The following LNX1 variants were observed in gnomAD, a reference collection of about 807,000 sequenced individuals.
LNX1 encodes the protein E3 ubiquitin-protein ligase LNX.
Under a neutral mutation model 68.4 loss-of-function variants are expected in LNX1, and 54 were observed. That is an observed-to-expected ratio of 0.79 (90% confidence interval 0.63 to 0.99). LNX1 has a LOEUF of 0.99. LNX1 is among the 50% of genes least tolerant of loss of function. The pLI, the probability that LNX1 is intolerant of heterozygous loss-of-function variation, is 0.00. For missense variants in LNX1, 906 were observed against 926.4 expected, an observed-to-expected ratio of 0.98 and a Z score of 0.29; for synonymous variants, 336 against 350.0, an observed-to-expected ratio of 0.96 and a Z score of 0.45.
At chr4:53,570,682 A>ATAAAT (rs1731090895) in intron 2 of LNX1, among the ~76,000 whole-genome samples, 1 of 150,326 alleles carries the variant, frequency 6.7e-6, no homozygotes, top group South Asian at 2.1e-4. Flanking sequence ...AAATAAATAA[A>ATAAAT]TAAATAAATA....
chr4:53,571,723 C>G (rs80087458), intron 2 of LNX1, among the ~76,000 whole-genome samples: 174 of 152,170 alleles, frequency 1.1e-3, no homozygotes, highest in African/African-American at 4.1e-3. Context: ...AGTGCAGTAG[C>G]GCATCACAGC....
At chr4:53,482,067 C>T (rs1723953924) in intron 6 of LNX1, among the ~76,000 whole-genome samples, 1 of 152,200 alleles carries the variant, frequency 6.6e-6, no homozygotes, top group Admixed American at 6.5e-5. Context: ...GTAAATGTTG[C>T]TCCAAGGGAA....
chr4:53,507,843 G>A (rs1432455639), intron 3 of LNX1, 143 bp downstream of exon 3: 79 of 1,084,832 alleles, frequency 7.3e-5, no homozygotes, highest in Admixed American at 2.0e-4. Flanking sequence ...TCACTTTGGC[G>A]AATTGGACAT....
chr4:53,575,630 G>A, intron 1 of LNX1: 1 of 1,323,308 alleles, frequency 7.6e-7, no homozygotes, highest in Non-Finnish European at 9.6e-7. Context: ...GCTTTTGGCT[G>A]CATTGGCTGG....
intron 1 of LNX1, among the ~76,000 whole-genome samples, chr4:53,640,976 G>A (rs1365393526): frequency 2.6e-5 from 4 of 152,228 alleles, no homozygotes; most frequent in South Asian, 2.1e-4. Context: ...AGGCCTGGCC[G>A]TTGTTTGGGA....
Position 53,614,969 on chromosome 4 carries a change from G to A in LNX1, c.-215+1548C>T, listed in dbSNP as rs895213804. ...CCAAGTTGACTTTTGGAGCTATTCC[G>A]AAATTTGTTCATCTTTGAACACCGA... is the stretch of plus-strand genomic sequence containing the variant. On this transcript the variant is annotated intron_variant, in intron 2 of 3. Transcript: ENST00000504299. Among the ~76,000 whole-genome samples, 105 of 72,714 alleles carry A rather than the reference G, an allele frequency of 1.4e-3. 1 individual carries two copies. Among genetic ancestry groups the A allele is most frequent in the East Asian group, 8.8e-4 (1 of 1,140 alleles). 47.7% of individuals were successfully genotyped at this position (72,714 alleles called of 152,430 possible).
At chr4:53,615,721 C>T (rs1402688489) in intron 2 of LNX1, among the ~76,000 whole-genome samples, 1 of 151,924 alleles carries the variant, frequency 6.6e-6, no homozygotes, top group Non-Finnish European at 1.5e-5. Context: ...TTTTTTTTTA[C>T]TACCTTAACA....
chr4:53,549,820 A>C (rs1729379626), intron 2 of LNX1, among the ~76,000 whole-genome samples: 1 of 152,214 alleles, frequency 6.6e-6, no homozygotes, highest in South Asian at 2.1e-4. Flanking sequence ...AATGAAGAAA[A>C]TAAGTCAACC....
At chr4:53,557,802 G>A (rs1273199923) in intron 2 of LNX1, 1 of 1,571,154 alleles carries the variant, frequency 6.4e-7, no homozygotes, top group Non-Finnish European at 8.7e-7. Context: ...ATCAGCTAGG[G>A]AATGGACTCG....
intron 9 of LNX1, among the ~76,000 whole-genome samples, chr4:53,467,685 G>C (rs947649830): frequency 6.6e-6 from 1 of 152,212 alleles, no homozygotes; most frequent in Non-Finnish European, 1.5e-5. Context: ...CGAGAACTAT[G>C]TGACGAATGC....
At chr4:53,644,238 T>C (rs1203664303) in intron 1 of LNX1, among the ~76,000 whole-genome samples, 2 of 152,118 alleles carry the variant, frequency 1.3e-5, no homozygotes, top group Admixed American at 6.5e-5. Context: ...CTGTCTCTAC[T>C]AAAAATACAA....
intron 2 of LNX1, among the ~76,000 whole-genome samples, chr4:53,530,918 C>A (rs1468653771): frequency 6.6e-6 from 1 of 152,132 alleles, no homozygotes; most frequent in Non-Finnish European, 1.5e-5. Context: ...AATCCCAGCA[C>A]CCTGGGAGGC....
chr4:53,520,544 G>A (rs1420221306), intron 2 of LNX1, among the ~76,000 whole-genome samples: 3 of 152,290 alleles, frequency 2.0e-5, no homozygotes, highest in Admixed American at 1.3e-4. Flanking sequence ...ATTTCCATGC[G>A]ACAGATGATT....
At chr4:53,513,185 G>A (rs899106543) in intron 2 of LNX1, among the ~76,000 whole-genome samples, 6 of 151,988 alleles carry the variant, frequency 3.9e-5, no homozygotes, top group African/African-American at 9.7e-5. Context: ...TATCGATCAC[G>A]GTCTCTTGCC....
At chr4:53,542,775 TTTGCAA>T (rs1301678478) in intron 2 of LNX1, among the ~76,000 whole-genome samples, 1 of 152,196 alleles carries the variant, frequency 6.6e-6, no homozygotes, top group Non-Finnish European at 1.5e-5. Context: ...GCCATTGGCA[TTTGCAA>T]TTGCATTTAA....
At chr4:53,521,110 T>C (rs1727184381) in intron 2 of LNX1, among the ~76,000 whole-genome samples, 1 of 152,186 alleles carries the variant, frequency 6.6e-6, no homozygotes, top group East Asian at 1.9e-4. Context: ...TTAGAATAAC[T>C]GGAAAGGGTG....
At position 53,511,768 on chromosome 4, in the gene LNX1, G is replaced by A. The variant is rs548850050; in HGVS notation, c.381-3541C>T. Among the ~76,000 whole-genome samples, 8 of 152,204 alleles carry A rather than the reference G, an allele frequency of 5.3e-5. 1 individual carries two copies. Among genetic ancestry groups the A allele is most frequent in the African/African-American group, 1.9e-4 (8 of 41,526 alleles). On this transcript the variant is annotated intron_variant, in intron 2 of 10. Coordinates refer to ENST00000263925, the MANE Select transcript of LNX1 (RefSeq NM_001126328.3). ...GAGAGTTGGAGACGAGACACAGGAGGGAACTCAGATGTGATTCACAGACGT... is the reference window on the plus strand; with the variant it reads ...GAGAGTTGGAGACGAGACACAGGAGAGAACTCAGATGTGATTCACAGACGT...
intron 2 of LNX1, among the ~76,000 whole-genome samples, chr4:53,553,830 A>G (rs1167969516): frequency 2.0e-5 from 3 of 152,216 alleles, no homozygotes; most frequent in Non-Finnish European, 4.4e-5. Flanking sequence ...AGGTCAAGGC[A>G]TCAGGTGACA....
intron 2 of LNX1, among the ~76,000 whole-genome samples, chr4:53,607,876 C>T (rs1485180382): frequency 6.6e-6 from 1 of 152,152 alleles, no homozygotes; most frequent in African/African-American, 2.4e-5. Flanking sequence ...AAAGGACTCC[C>T]TATTCAAAAA....
Sources: gnomAD v4.1 joint callset for allele counts (sites outside exome capture counted in the v4.1 genomes callset) on GRCh38, gnomAD v4.1.1 for gene constraint, MANE v1.5 for transcripts, NCBI Gene and HGNC (gene_info 2026-07-23, HGNC 2026-07-21) for gene names.